SEPTIN9: variants seen among roughly 807,000 people sequenced by gnomAD.
The protein encoded by SEPTIN9 is septin 9.
In SEPTIN9, 13 loss-of-function variants were observed where a neutral mutation model predicts 56.6. That is an observed-to-expected ratio of 0.23 (90% CI 0.15 to 0.37). SEPTIN9 has a LOEUF of 0.37. Ranked by LOEUF, SEPTIN9 falls within the 10% of genes least tolerant of loss-of-function variation. The probability of loss-of-function intolerance (pLI) is 1.00; values close to 1 mark genes in which losing one functional copy is unlikely to be tolerated. For missense variants in SEPTIN9, 650 were observed against 823.1 expected, an observed-to-expected ratio of 0.79 and a Z score of 2.57; for synonymous variants, 332 against 334.1, an observed-to-expected ratio of 0.99 and a Z score of 0.07.
At position 77,421,093 on chromosome 17, in the gene SEPTIN9, C is replaced by T. The variant is rs1398669927; in HGVS notation, c.721+18390C>T. Among the ~76,000 whole-genome samples, 4 of 152,214 alleles carry T rather than the reference C, an allele frequency of 2.6e-5. No individual in the cohort carries two copies. Among genetic ancestry groups the T allele is most frequent in the Non-Finnish European group, 4.4e-5 (3 of 68,040 alleles). ...GTGGAGCTCTGCCGTCGCTGACTCC[C>T]GGGCTACCTGGAGTGATAACACAGC... is the stretch of plus-strand genomic sequence containing the variant. On this transcript the variant is annotated intron_variant, in intron 3 of 11. Coordinates refer to ENST00000427177, the MANE Select transcript of SEPTIN9 (RefSeq NM_001113491.2). This position sits in a 1 kb window ranked among gnomAD's most constrained non-coding sequence, Gnocchi z 4.6.
intron 3 of SEPTIN9, among the ~76,000 whole-genome samples, chr17:77,439,887 A>G (rs867160515): frequency 6.6e-5 from 10 of 152,174 alleles, no homozygotes; most frequent in African/African-American, 2.2e-4. Context: ...AGTGCTGCCA[A>G]ATTGCCCCAT....
chr17:77,399,305 C>G (rs919011153), intron 2 of SEPTIN9, among the ~76,000 whole-genome samples: 1 of 152,184 alleles, frequency 6.6e-6, no homozygotes, highest in African/African-American at 2.4e-5. Flanking sequence ...CATTTGTTTT[C>G]TTGGGTTGGA....
chr17:77,358,736 C>T (rs1159302723), intron 2 of SEPTIN9, among the ~76,000 whole-genome samples: 2 of 152,214 alleles, frequency 1.3e-5, no homozygotes, highest in African/African-American at 2.4e-5. Context: ...GTTCATTTTG[C>T]TTTAACTATG....
Position 77,317,225 on chromosome 17 carries a change from C to T in SEPTIN9, c.76+10028C>T, listed in dbSNP as rs1043929361. Among the ~76,000 whole-genome samples, 1 of 152,214 alleles carries T rather than the reference C, an allele frequency of 6.6e-6. No individual in the cohort carries two copies. The highest frequency in any genetic ancestry group is 2.4e-5 in the African/African-American group (1 of 41,454). Reference sequence around the variant, plus strand: ...TCCTCTCACAGCTCTGCAGGCCACACATCCGAGATCAGGGTCACCAGGCTG... The same window carrying T: ...TCCTCTCACAGCTCTGCAGGCCACATATCCGAGATCAGGGTCACCAGGCTG... On this transcript the variant is annotated intron_variant, in intron 2 of 11. Transcript: ENST00000427177. This position sits in a 1 kb window ranked among gnomAD's most constrained non-coding sequence, Gnocchi z 4.2.
intron 3 of SEPTIN9, among the ~76,000 whole-genome samples, chr17:77,458,364 C>G (rs1431267843): frequency 6.6e-6 from 1 of 152,154 alleles, no homozygotes; most frequent in South Asian, 2.1e-4. Flanking sequence ...GTTCCAGCCC[C>G]GGCACCGCCG....
intron 2 of SEPTIN9, among the ~76,000 whole-genome samples, chr17:77,314,677 G>A (rs2032632450): frequency 6.6e-6 from 1 of 152,186 alleles, no homozygotes; most frequent in Non-Finnish European, 1.5e-5. Context: ...CCCTTCCCCA[G>A]TGTGTACTCC....
At chr17:77,473,526 C>T (rs1274923341) in intron 3 of SEPTIN9, among the ~76,000 whole-genome samples, 4 of 152,146 alleles carry the variant, frequency 2.6e-5, no homozygotes, top group Admixed American at 6.5e-5. Flanking sequence ...CTGGGATCCA[C>T]GGGCCTAGGG....
chr17:77,409,812 G>A (rs1222308524), intron 3 of SEPTIN9, among the ~76,000 whole-genome samples: 2 of 152,244 alleles, frequency 1.3e-5, no homozygotes, highest in Non-Finnish European at 2.9e-5. Flanking sequence ...TCTGTGCGGT[G>A]TGGACAGAGG....
chr17:77,488,207 C>G (rs761449566), intron 5 of SEPTIN9, 33 bp from the exon 6 acceptor site: 3 of 1,605,866 alleles, frequency 1.9e-6, no homozygotes, highest in Admixed American at 3.3e-5. Context: ...TCTTCCGTCT[C>G]CCCTCTGACT....
chr17:77,319,835 A>G lies in SEPTIN9; in HGVS notation c.76+12638A>G. 1 of 1,081,444 alleles carries G rather than the reference A, an allele frequency of 9.2e-7. No homozygotes were observed. Among genetic ancestry groups the G allele is most frequent in the Non-Finnish European group, 1.1e-6 (1 of 888,530 alleles). 67.0% of individuals were successfully genotyped at this position (1,081,444 alleles called of 1,614,324 possible). Reference sequence around the variant, plus strand: ...TGGTTTCCAAGAGTCTAAGTTAAGCATCTCCAAGTGGATATTAAAAAGGAG... The same window carrying G: ...TGGTTTCCAAGAGTCTAAGTTAAGCGTCTCCAAGTGGATATTAAAAAGGAG... On this transcript the variant is annotated intron_variant, in intron 2 of 11. Transcript: ENST00000427177. This position sits in a 1 kb window ranked among gnomAD's most constrained non-coding sequence, Gnocchi z 5.3.
chr17:77,358,339 G>T (rs1395721749), intron 2 of SEPTIN9, among the ~76,000 whole-genome samples: 1 of 152,210 alleles, frequency 6.6e-6, no homozygotes, highest in Non-Finnish European at 1.5e-5. Context: ...TACCAAAACT[G>T]GCTAGGCACG....
chr17:77,298,137 C>A (rs2031897046), intron 1 of SEPTIN9, among the ~76,000 whole-genome samples: 1 of 152,276 alleles, frequency 6.6e-6, no homozygotes. Flanking sequence ...CCAAAAGTCA[C>A]ATATGCCAGC....
intron 3 of SEPTIN9, among the ~76,000 whole-genome samples, chr17:77,411,421 G>A (rs535006720): frequency 1.4e-5 from 2 of 144,554 alleles, no homozygotes; most frequent in African/African-American, 2.6e-5. Flanking sequence ...TTGACAGAGC[G>A]TGGCCCAGGC....
chr17:77,497,145 A>G, intron 10 of SEPTIN9, 170 bp from the exon 11 acceptor site: 1 of 698,964 alleles, frequency 1.4e-6, no homozygotes, highest in Non-Finnish European at 2.6e-6. Flanking sequence ...GGGCAGTGCC[A>G]GGTGTCCTAT....
rs1464600037 is a variant in SEPTIN9 at position 77,463,070 on chromosome 17, C to T, written c.722-19074C>T. On this transcript the variant is annotated intron_variant, in intron 3 of 11. Transcript: ENST00000427177. Reference sequence around the variant, plus strand: ...TCGGCAAGACCTGTGTACTGGGGCCCCTCTCAGATCCTCTGTCTCTGGAGA... The same window carrying T: ...TCGGCAAGACCTGTGTACTGGGGCCTCTCTCAGATCCTCTGTCTCTGGAGA... 3.3e-5 allele frequency among the ~76,000 whole-genome samples: 5 copies of T among 151,986 alleles called. No homozygotes were observed. In the South Asian group the frequency reaches 1.0e-3, roughly 32 times the overall value.
rs112787791 is a variant in SEPTIN9, at chr17:77,440,321, A to G, written c.721+37618A>G. On this transcript the variant is annotated intron_variant, in intron 3 of 11. Transcript: ENST00000427177. ...AGGCGCCCACCACCACGCCCGGCGA[A>G]TTTTTGTATTTTTAGTAGAGATGGG... Among the ~76,000 whole-genome samples the G allele has an allele frequency of 9.1e-4, 138 of 151,948 alleles. 1 individual carries two copies. The highest frequency in any genetic ancestry group is 1.8e-3 in the Admixed American group (28 of 15,266).
intron 3 of SEPTIN9, among the ~76,000 whole-genome samples, chr17:77,422,412 G>T (rs992741605): frequency 6.6e-6 from 1 of 152,198 alleles, no homozygotes; most frequent in Admixed American, 6.5e-5. Context: ...GCCCATTGGC[G>T]TGGCCAGCGA....
Position 77,325,816 on chromosome 17 carries a change from A to C in SEPTIN9, c.76+18619A>C, listed in dbSNP as rs1561104. Among the ~76,000 whole-genome samples, 7 of 152,124 alleles carry C rather than the reference A, an allele frequency of 4.6e-5. No individual in the cohort carries two copies. The East Asian group carries it at 1.4e-3, about 29-fold the overall frequency. On this transcript the variant is annotated intron_variant, in intron 2 of 11. Transcript: ENST00000427177. Reference sequence around the variant, plus strand: ...GGGCCACCCCTCATGATCTGGACACAAGTCTCCATCCTGAAGCCACCACCC... The same window carrying C: ...GGGCCACCCCTCATGATCTGGACACCAGTCTCCATCCTGAAGCCACCACCC...
intron 3 of SEPTIN9, among the ~76,000 whole-genome samples, chr17:77,406,765 G>C (rs914064143): frequency 5.3e-5 from 8 of 151,986 alleles, no homozygotes; most frequent in African/African-American, 1.9e-4. Context: ...CTGCCTCCCA[G>C]GTTCAAGCGA....
Sources: gnomAD v4.1 joint callset for allele counts (sites outside exome capture counted in the v4.1 genomes callset) on GRCh38, gnomAD v4.1.1 for gene constraint, Gnocchi (gnomAD v3.1) non-coding constraint, MANE v1.5 for transcripts, NCBI Gene and HGNC (gene_info 2026-07-23, HGNC 2026-07-21) for gene names.